ERBB4: variants seen among roughly 807,000 people sequenced by gnomAD.
ERBB4 encodes the protein erb-b2 receptor tyrosine kinase 4.
A neutral mutation model predicts 158.0 loss-of-function variants in ERBB4; 42 were observed. That is an observed-to-expected ratio of 0.27 (90% CI 0.21 to 0.34). ERBB4 has a LOEUF of 0.34. Among genes scored for constraint, ERBB4 ranks in the 10% least tolerant of loss-of-function variants. ERBB4 has a pLI of 1.00. For missense variants in ERBB4, 1,333 were observed against 1,624.1 expected (o/e 0.82, Z 3.08); for synonymous variants, 583 against 558.7 (o/e 1.04, Z -0.61).
chr2:211,378,856 G>A lies in ERBB4; in HGVS notation c.*4759C>T. ...GGCACAGTAAGATCCTCTGCCCACAGTATATACAGTAGAAGTTAATTTATC... is the reference window on the plus strand; with the variant it reads ...GGCACAGTAAGATCCTCTGCCCACAATATATACAGTAGAAGTTAATTTATC... On this transcript the variant is annotated 3_prime_UTR_variant, in exon 28 of 28. Transcript: ENST00000342788. 4.4e-6 allele frequency: 1 copy of A among 229,726 alleles called. No individual in the cohort carries two copies. The allele number at this position is 229,726 out of a possible 1,614,324, so 14.2% of individuals were successfully genotyped here.
At chr2:211,747,936 A>G (rs1286623305) in intron 5 of ERBB4, among the ~76,000 whole-genome samples, 1 of 152,042 alleles carries the variant, frequency 6.6e-6, no homozygotes, top group Non-Finnish European at 1.5e-5. Context: ...AATGGCATAT[A>G]ATATTTGAGT....
At chr2:211,761,598 A>G (rs182126730) in intron 4 of ERBB4, among the ~76,000 whole-genome samples, 3 of 152,152 alleles carry the variant, frequency 2.0e-5, no homozygotes. Flanking sequence ...TCTAATTGGC[A>G]ATTACTTTGA....
chr2:212,538,409 G>A (rs1329511462), intron 1 of ERBB4, 40 bp downstream of exon 1: 5 of 1,579,730 alleles, frequency 3.2e-6, no homozygotes, highest in South Asian at 1.1e-5. Context: ...CCCCGCCGGC[G>A]GCTGCAGGTT....
intron 7 of ERBB4, among the ~76,000 whole-genome samples, chr2:211,715,347 A>T (rs1423727963): frequency 6.6e-6 from 1 of 152,206 alleles, no homozygotes; most frequent in East Asian, 1.9e-4. Context: ...ATCAAAGTCC[A>T]ATCTTGCTTT....
At chr2:212,428,417 T>C (rs1165837063) in intron 1 of ERBB4, among the ~76,000 whole-genome samples, 1 of 152,112 alleles carries the variant, frequency 6.6e-6, no homozygotes, top group Non-Finnish European at 1.5e-5. Context: ...TTGGCTTTTG[T>C]TTTTGAAACC....
intron 2 of ERBB4, among the ~76,000 whole-genome samples, chr2:212,045,116 G>C (rs985029711): frequency 6.6e-6 from 1 of 152,148 alleles, no homozygotes; most frequent in Non-Finnish European, 1.5e-5. Context: ...TTCTCAACTT[G>C]ACCTTTGGGA....
chr2:211,881,865 C>A (rs956642114), intron 3 of ERBB4, among the ~76,000 whole-genome samples: 1 of 152,092 alleles, frequency 6.6e-6, no homozygotes, highest in African/African-American at 2.4e-5. Context: ...AGACAACGAA[C>A]CTTGGATATT....
intron 3 of ERBB4, among the ~76,000 whole-genome samples, chr2:211,865,510 G>A (rs1271320100): frequency 1.3e-5 from 2 of 151,758 alleles, no homozygotes; most frequent in Non-Finnish European, 2.9e-5. Flanking sequence ...TTCTTGAGAC[G>A]GAGTTTCACT....
intron 1 of ERBB4, among the ~76,000 whole-genome samples, chr2:212,445,555 T>C (rs558981285): frequency 8.5e-5 from 13 of 152,322 alleles, no homozygotes; most frequent in African/African-American, 3.1e-4. Context: ...CTGGGGTGAC[T>C]GACCCGGACT....
intron 11 of ERBB4, among the ~76,000 whole-genome samples, chr2:211,702,378 T>C (rs907543432): frequency 6.6e-6 from 1 of 152,218 alleles, no homozygotes; most frequent in Non-Finnish European, 1.5e-5. Context: ...CTTACAGTTA[T>C]GCATATTGGC....
At chr2:211,620,194 G>A (rs2069545179) in intron 18 of ERBB4, among the ~76,000 whole-genome samples, 1 of 152,066 alleles carries the variant, frequency 6.6e-6, no homozygotes, top group Non-Finnish European at 1.5e-5. Context: ...GAACGCAAAA[G>A]CAAATATGAG....
At chr2:211,388,130 T>TA in intron 25 of ERBB4, 138 bp from the exon 26 acceptor site, 1 of 713,280 alleles carries the variant, frequency 1.4e-6, no homozygotes, top group Non-Finnish European at 2.5e-6. Context: ...TGAAGCTTCC[T>TA]AAGCAGCACA....
Position 212,141,095 on chromosome 2 carries a change from AT to A in ERBB4, c.83-16193del, listed in dbSNP as rs201501905. ...CGTCTATAACTACTTGTTTTGAATTATTTAGGTTCAATAGTAGTATATTTCC... is the reference window on the plus strand; with the variant it reads ...CGTCTATAACTACTTGTTTTGAATTATTAGGTTCAATAGTAGTATATTTCC... On this transcript the variant is annotated intron_variant, in intron 1 of 27. Transcript: ENST00000342788. Among the ~76,000 whole-genome samples, 1,009 of 151,954 alleles carry A rather than the reference AT, an allele frequency of 6.6e-3. 7 individuals are homozygous for A. The highest frequency in any genetic ancestry group is 0.024 in the Middle Eastern group (7 of 294).
chr2:212,459,744 C>T (rs568448437), intron 1 of ERBB4, among the ~76,000 whole-genome samples: 29 of 152,238 alleles, frequency 1.9e-4, no homozygotes, highest in Middle Eastern at 6.8e-3. Flanking sequence ...AAAACAGACA[C>T]GTAACCCAAT....
intron 20 of ERBB4, among the ~76,000 whole-genome samples, chr2:211,553,769 A>C (rs558898958): frequency 1.3e-5 from 2 of 152,324 alleles, no homozygotes; most frequent in Admixed American, 6.5e-5. Flanking sequence ...ATGAGATTTG[A>C]ACCCAGAATC....
chr2:211,630,542 C>T lies in ERBB4; in HGVS notation c.1999G>A (p.Val667Met), dbSNP rs775987436. ...VIGGLFILVI[V>M]GLTFAVYVRR... The stretch of plus-strand genomic sequence containing the variant: ...ACATAAACAGCAAATGTCAGACCCA[C>T]AATGACCAGAATGAAGAGCCCACCA... The change falls in exon 17 of 28, where the codon GTG (valine) becomes ATG (methionine). Residue 667 changes from valine (V) to methionine (M), a missense_variant. By Grantham distance (21) the Val-to-Met change is conservative. This residue lies in a region of ERBB4 where 245 missense variants were observed against 247.5 expected (regional missense o/e 0.99). Transcript: ENST00000342788. 2 of 1,613,424 alleles carry T rather than the reference C, an allele frequency of 1.2e-6. No individual in the cohort carries two copies. Among genetic ancestry groups the T allele is most frequent in the Non-Finnish European group, 1.7e-6 (2 of 1,179,812 alleles).
chr2:211,956,508 T>C (rs2081036896), intron 2 of ERBB4, among the ~76,000 whole-genome samples: 1 of 152,052 alleles, frequency 6.6e-6, no homozygotes, highest in Admixed American at 6.6e-5. Flanking sequence ...TTAGTTTGAC[T>C]CCTGTCTCCA....
At position 211,587,075 on chromosome 2, in the gene ERBB4, T is replaced by C. The variant is rs74694846; in HGVS notation, c.2302-24987A>G. On this transcript the variant is annotated intron_variant, in intron 19 of 27. Transcript: ENST00000342788. ...TAAGTGAGGAACCATCTGTAGGTCA[T>C]TGCAGATATAATTATTTAAGATAAG... 9.0e-3 allele frequency among the ~76,000 whole-genome samples: 1,375 copies of C among 152,204 alleles called. 20 individuals carry two copies. The highest frequency in any genetic ancestry group is 0.031 in the African/African-American group (1,304 of 41,528).
At chr2:211,836,437 G>A (rs1287132965) in intron 3 of ERBB4, among the ~76,000 whole-genome samples, 2 of 152,150 alleles carry the variant, frequency 1.3e-5, no homozygotes, top group East Asian at 3.9e-4. Flanking sequence ...GTAGCAACAT[G>A]TGTGTGATAT....
Sources: allele counts gnomAD v4.1 joint callset (sites outside exome capture counted in the v4.1 genomes callset), GRCh38; gene constraint gnomAD v4.1.1; regional missense constraint gnomAD v4.1.1; transcripts MANE v1.5; gene names NCBI Gene and HGNC (gene_info 2026-07-23, HGNC 2026-07-21).